PLA2G6: variants seen among roughly 807,000 people sequenced by gnomAD.
PLA2G6 encodes the protein 85/88 kDa calcium-independent phospholipase A2.
Under a neutral mutation model 83.8 loss-of-function variants are expected in PLA2G6, and 62 were observed. The observed-to-expected ratio is 0.74, with a 90% CI of 0.60 to 0.91. PLA2G6 has a LOEUF of 0.91. Ranked by LOEUF, PLA2G6 falls within the 40% of genes least tolerant of loss-of-function variation. The pLI is 0.00. For synonymous variants in PLA2G6, 417 were observed against 449.8 expected, an observed-to-expected ratio of 0.93 and a Z score of 0.92; for missense variants, 944 against 1,102.0, an observed-to-expected ratio of 0.86 and a Z score of 2.03.
intron 10 of PLA2G6, among the ~76,000 whole-genome samples, chr22:38,124,316 G>A (rs1471936089): frequency 2.0e-5 from 3 of 152,130 alleles, no homozygotes; most frequent in Admixed American, 6.5e-5. Context: ...TTTGAGTGAC[G>A]GAGGGAGTGT....
At chr22:38,174,214 G>C (rs894511838) in intron 1 of PLA2G6, among the ~76,000 whole-genome samples, 2 of 151,978 alleles carry the variant, frequency 1.3e-5, no homozygotes, top group South Asian at 2.1e-4. Context: ...GGCTAACATG[G>C]TGAAACCCCG....
At chr22:38,154,705 G>T (rs2145870324) in intron 2 of PLA2G6, among the ~76,000 whole-genome samples, 1 of 152,292 alleles carries the variant, frequency 6.6e-6, no homozygotes, top group South Asian at 2.1e-4. Context: ...TCAATGCCCA[G>T]ACACTGACGA....
At chr22:38,165,859 G>A (rs1446344134) in intron 2 of PLA2G6, among the ~76,000 whole-genome samples, 4 of 152,056 alleles carry the variant, frequency 2.6e-5, no homozygotes, top group Non-Finnish European at 4.4e-5. Context: ...CAGCCTGAGC[G>A]ACAGAGCGAG....
intron 10 of PLA2G6, among the ~76,000 whole-genome samples, chr22:38,124,127 G>A (rs11570726): frequency 0.039 from 5,996 of 152,096 alleles, 403 homozygotes; most frequent in African/African-American, 0.14. Flanking sequence ...GAGCCACCGT[G>A]CCCAGCCTTA....
intron 5 of PLA2G6, chr22:38,139,330 C>A (rs2088744117): frequency 6.6e-6 from 1 of 152,038 alleles, no homozygotes; most frequent in Admixed American, 6.6e-5. Flanking sequence ...AAAGAGGAGA[C>A]CCCAAAGAGG....
At position 38,147,425 on chromosome 22, in the gene PLA2G6, G is replaced by A. The variant is rs147859997; in HGVS notation, c.210-1772C>T. 65 of 169,212 alleles carry A rather than the reference G, an allele frequency of 3.8e-4. No individual in the cohort carries two copies. The East Asian group carries it at 0.01, about 27-fold the overall frequency. The allele number at this position is 169,212 out of a possible 1,614,324, so 10.5% of individuals were successfully genotyped here. Reference sequence around the variant, plus strand: ...AGTGTTGGCTCAACGGGACCAGCCTGTTGTTCCACAGAGAGTGCGTTGATT... The same window carrying A: ...AGTGTTGGCTCAACGGGACCAGCCTATTGTTCCACAGAGAGTGCGTTGATT... On this transcript the variant is annotated intron_variant, in intron 2 of 16. Coordinates refer to ENST00000332509, the MANE Select transcript of PLA2G6 (RefSeq NM_003560.4).
At chr22:38,179,773 A>C (rs1755213580) in intron 1 of PLA2G6, among the ~76,000 whole-genome samples, 1 of 152,124 alleles carries the variant, frequency 6.6e-6, no homozygotes, top group Non-Finnish European at 1.5e-5. Context: ...ACTCTGTCTC[A>C]AAAAATAAAT....
At chr22:38,133,540 G>T in intron 6 of PLA2G6, 1 of 158,620 alleles carries the variant, frequency 6.3e-6, no homozygotes, top group Non-Finnish European at 1.4e-5. Context: ...CTGTGAAGAT[G>T]GGAATGCAAG....
chr22:38,128,068 A>G lies in PLA2G6; in HGVS notation c.1348+201T>C. 1 of 605,146 alleles carries G rather than the reference A, an allele frequency of 1.7e-6. No homozygotes were observed. Among genetic ancestry groups the G allele is most frequent in the Non-Finnish European group, 2.9e-6 (1 of 339,866 alleles). 37.5% of individuals were successfully genotyped at this position (605,146 alleles called of 1,614,324 possible). ...CACATCCTCTCAGGGGCAACGGAGC[A>G]TGGGACATCAGCCAGGGACACCCTA... On this transcript the variant is annotated intron_variant, in intron 9 of 16. Transcript: ENST00000332509. The surrounding 1 kb of genome is among the most constrained non-coding windows in gnomAD (Gnocchi z 4.4).
At chr22:38,134,643 T>C (rs893073752) in intron 6 of PLA2G6, 1 of 308,856 alleles carries the variant, frequency 3.2e-6, no homozygotes, top group Non-Finnish European at 6.2e-6. Context: ...TAGAGAATCC[T>C]GACTAATAAT....
chr22:38,117,128 C>CAA (rs373568121), intron 12 of PLA2G6, among the ~76,000 whole-genome samples: 2 of 151,616 alleles, frequency 1.3e-5, no homozygotes, highest in Admixed American at 6.6e-5. Flanking sequence ...CTAACTCTTC[C>CAA]AAGAAAAATA....
intron 2 of PLA2G6, among the ~76,000 whole-genome samples, chr22:38,152,227 T>C (rs192022968): frequency 2.0e-5 from 3 of 151,930 alleles, no homozygotes; most frequent in East Asian, 1.9e-4. Context: ...GCACTTTTTT[T>C]TTCTTTGAGA....
intron 2 of PLA2G6, among the ~76,000 whole-genome samples, chr22:38,151,639 A>C (rs2089566247): frequency 1.3e-5 from 2 of 152,278 alleles, no homozygotes; most frequent in South Asian, 4.1e-4. Flanking sequence ...ATGTGGGGGG[A>C]TCTAAATAAG....
At chr22:38,113,837 C>G in intron 14 of PLA2G6, 183 bp from the exon 15 acceptor site, 1 of 696,534 alleles carries the variant, frequency 1.4e-6, no homozygotes, top group Non-Finnish European at 2.6e-6. Flanking sequence ...GACCCCAGAA[C>G]GGCTGGTGCG....
intron 4 of PLA2G6, chr22:38,141,636 A>G (rs2088909515): frequency 6.6e-6 from 1 of 152,214 alleles, no homozygotes; most frequent in African/African-American, 2.4e-5. Context: ...AGGAAAGGGG[A>G]ATAATGACCT....
rs1328639533 is a variant in PLA2G6, at chr22:38,157,677, T to G, written c.209+11541A>C. Reference sequence around the variant, plus strand: ...AAAGAAAACTACAGGCCAGTATCCCTGATGGATATTGATGCAAAACTTCTC... The same window carrying G: ...AAAGAAAACTACAGGCCAGTATCCCGGATGGATATTGATGCAAAACTTCTC... On this transcript the variant is annotated intron_variant, in intron 2 of 16. Coordinates refer to ENST00000332509, the MANE Select transcript of PLA2G6 (RefSeq NM_003560.4). Among the ~76,000 whole-genome samples, 3 of 152,142 alleles carry G rather than the reference T, an allele frequency of 2.0e-5. No individual in the cohort carries two copies. In the East Asian group the frequency reaches 5.8e-4, roughly 29 times the overall value.
At chr22:38,126,074 C>G (rs1225113786) in intron 10 of PLA2G6, 4 of 442,322 alleles carry the variant, frequency 9.0e-6, no homozygotes, top group East Asian at 5.0e-5. Context: ...GCATCTCCCC[C>G]TCTTCTAGCC....
At position 38,120,175 on chromosome 22, in the gene PLA2G6, T is replaced by C. The variant is rs11570744; in HGVS notation, c.1742+584A>G. Among the ~76,000 whole-genome samples, 1,256 of 152,372 alleles carry C rather than the reference T, an allele frequency of 8.2e-3. 20 individuals carry two copies. The highest frequency in any genetic ancestry group is 0.028 in the African/African-American group (1,184 of 41,582). Reference sequence around the variant, plus strand: ...ATTGCTTAGTCCTAGGATTTGGGCTTCCCAAACAAATGTTTCCTGGAAATG... The same window carrying C: ...ATTGCTTAGTCCTAGGATTTGGGCTCCCCAAACAAATGTTTCCTGGAAATG... On this transcript the variant is annotated intron_variant, in intron 12 of 16. Transcript: ENST00000332509.
Position 38,157,999 on chromosome 22 carries a change from G to A in PLA2G6, c.209+11219C>T, listed in dbSNP as rs952821471. 1.2e-4 allele frequency among the ~76,000 whole-genome samples: 18 copies of A among 151,484 alleles called. No homozygotes were observed. In the East Asian group the frequency reaches 2.0e-3, roughly 17 times the overall value. ...TGCAGTGAGCTGAGATTGCACCACC[G>A]CACTCCAGCCTGGGCAACAGAGCGA... On this transcript the variant is annotated intron_variant, in intron 2 of 16. Coordinates refer to ENST00000332509, the MANE Select transcript of PLA2G6 (RefSeq NM_003560.4).
Sources: gnomAD v4.1 joint callset for allele counts (sites outside exome capture counted in the v4.1 genomes callset) on GRCh38, gnomAD v4.1.1 for gene constraint, Gnocchi (gnomAD v3.1) non-coding constraint, MANE v1.5 for transcripts, NCBI Gene and HGNC (gene_info 2026-07-23, HGNC 2026-07-21) for gene names.